The following EXT1 variants were observed in gnomAD, a reference collection of about 807,000 sequenced individuals.
The protein encoded by EXT1 is exostosin glycosyltransferase 1.
A neutral mutation model predicts 82.5 loss-of-function variants in EXT1; 20 were observed. The ratio of observed to expected loss-of-function variants is 0.24; its 90% CI spans 0.17 to 0.35. EXT1 has a LOEUF of 0.35. Ranked by LOEUF, EXT1 falls within the 10% of genes least tolerant of loss-of-function variation. The probability of loss-of-function intolerance (pLI) is 1.00; values close to 1 mark genes in which losing one functional copy is unlikely to be tolerated. For missense variants in EXT1, 757 were observed against 936.5 expected (o/e 0.81, Z 2.50); for synonymous variants, 348 against 350.8 (o/e 0.99, Z 0.09).
chr8:117,919,842 C>T (rs1170729264), intron 1 of EXT1, among the ~76,000 whole-genome samples: 1 of 152,038 alleles, frequency 6.6e-6, no homozygotes, highest in Admixed American at 6.5e-5. Flanking sequence ...GGTTTAAATT[C>T]CAAATTATAT....
intron 9 of EXT1, among the ~76,000 whole-genome samples, chr8:117,805,844 C>T (rs954015319): frequency 1.3e-5 from 2 of 152,198 alleles, no homozygotes; most frequent in Non-Finnish European, 2.9e-5. Context: ...AGTCCCCTGG[C>T]TTTAAAGACC....
At chr8:117,998,848 T>A (rs1033035225) in intron 1 of EXT1, among the ~76,000 whole-genome samples, 3 of 152,192 alleles carry the variant, frequency 2.0e-5, no homozygotes, top group African/African-American at 7.2e-5. Flanking sequence ...CATTCCTACT[T>A]CAGCTCAATT....
intron 1 of EXT1, among the ~76,000 whole-genome samples, chr8:118,081,308 T>C (rs1011852163): frequency 1.3e-5 from 2 of 152,230 alleles, no homozygotes; most frequent in Non-Finnish European, 2.9e-5. Flanking sequence ...TTTTGCAGTA[T>C]TTTTACATAA....
intron 1 of EXT1, among the ~76,000 whole-genome samples, chr8:117,893,687 G>C (rs1214689346): frequency 6.6e-6 from 1 of 152,166 alleles, no homozygotes; most frequent in African/African-American, 2.4e-5. Flanking sequence ...ACCACGCTTT[G>C]AGCAAGTGAA....
At chr8:117,857,481 T>C (rs17430385) in intron 1 of EXT1, among the ~76,000 whole-genome samples, 44,912 of 151,620 alleles carry the variant, frequency 0.3, 7,477 homozygotes, top group Middle Eastern at 0.41. Flanking sequence ...GGCAGGAGGA[T>C]TGCTTGAGCC....
rs984537496 is a variant in EXT1, at chr8:117,799,982, T to C, written c.2056-85A>G. The C allele has an allele frequency of 2.1e-6, 3 of 1,431,702 alleles. No individual in the cohort carries two copies. The African/African-American group carries it at 4.2e-5, about 20-fold the overall frequency. 88.7% of individuals were successfully genotyped at this position (1,431,702 alleles called of 1,614,324 possible). ...ATTGCAGAAAATGGAGTCAGGCAAA[T>C]GAGCAAGCAGCAAAGCTTGGGGTCT... On this transcript the variant is annotated intron_variant, in intron 10 of 10. Coordinates refer to ENST00000378204, the MANE Select transcript of EXT1 (RefSeq NM_000127.3).
intron 1 of EXT1, among the ~76,000 whole-genome samples, chr8:117,850,758 T>C: frequency 6.6e-6 from 1 of 152,182 alleles, no homozygotes; most frequent in East Asian, 1.9e-4. Context: ...AAAAGGATTT[T>C]TCTGCCAAGT....
At chr8:117,893,257 A>T (rs757438333) in intron 1 of EXT1, among the ~76,000 whole-genome samples, 4 of 152,220 alleles carry the variant, frequency 2.6e-5, no homozygotes, top group Non-Finnish European at 5.9e-5. Flanking sequence ...TCTGCTAAAT[A>T]AATAACGAAA....
chr8:117,905,854 T>C (rs79638761), intron 1 of EXT1, among the ~76,000 whole-genome samples: 7,659 of 152,150 alleles, frequency 0.05, 647 homozygotes, highest in African/African-American at 0.17. Flanking sequence ...AAAGACCAGA[T>C]TTTTACCTTC....
intron 1 of EXT1, among the ~76,000 whole-genome samples, chr8:117,844,137 C>CTATTATTATTATTAT (rs61042253): frequency 0.18 from 25,507 of 142,306 alleles, 2,599 homozygotes; most frequent in Middle Eastern, 0.27. Flanking sequence ...ATTTCAATTA[C>CTATTATTATTATTAT]TATTATTATT....
chr8:118,018,557 ACT>A (rs1816044838), intron 1 of EXT1, among the ~76,000 whole-genome samples: 1 of 152,200 alleles, frequency 6.6e-6, no homozygotes, highest in African/African-American at 2.4e-5. Context: ...AAGTTTATAG[ACT>A]TTGTTACAGC....
intron 10 of EXT1, among the ~76,000 whole-genome samples, chr8:117,803,723 A>G (rs764886997): frequency 3.9e-5 from 6 of 152,218 alleles, no homozygotes; most frequent in Non-Finnish European, 7.3e-5. Context: ...TTACTTATAA[A>G]AAGAAAATGT....
intron 8 of EXT1, among the ~76,000 whole-genome samples, chr8:117,808,665 G>A (rs1823271133): frequency 6.6e-6 from 1 of 152,180 alleles, no homozygotes; most frequent in African/African-American, 2.4e-5. Context: ...GGGGGACGGA[G>A]GGATGCTGCT....
chr8:117,873,716 A>G (rs184329029), intron 1 of EXT1, among the ~76,000 whole-genome samples: 181 of 152,256 alleles, frequency 1.2e-3, no homozygotes, highest in Admixed American at 0.01. Context: ...TTGGACTCCC[A>G]AAGTGCTGGG....
intron 1 of EXT1, among the ~76,000 whole-genome samples, chr8:118,034,758 AG>A (rs1816389171): frequency 6.6e-6 from 1 of 152,202 alleles, no homozygotes; most frequent in African/African-American, 2.4e-5. Context: ...GACGATGGCT[AG>A]GGACCACTCT....
chr8:118,072,283 A>G (rs909818094), intron 1 of EXT1, among the ~76,000 whole-genome samples: 3 of 152,232 alleles, frequency 2.0e-5, no homozygotes, highest in Non-Finnish European at 1.5e-5. Context: ...GGAAAGGACC[A>G]ATGATACTGA....
intron 1 of EXT1, among the ~76,000 whole-genome samples, chr8:117,840,202 C>T (rs1253257155): frequency 6.6e-6 from 1 of 152,162 alleles, no homozygotes; most frequent in African/African-American, 2.4e-5. Flanking sequence ...TGACCTGTTC[C>T]ATGACCAACC....
rs527947203 is a variant in EXT1 at position 118,041,952 on chromosome 8, A to T, written c.962+68133T>A. ...GACAGAGCGAGACTCTGCCTCAGAA[A>T]AAAAAAAAAAAAGAAAGAAAAGGAA... On this transcript the variant is annotated intron_variant, in intron 1 of 10. Transcript: ENST00000378204. Among the ~76,000 whole-genome samples the T allele has an allele frequency of 1.2e-4, 18 of 151,098 alleles. 1 individual carries two copies. In the South Asian group the frequency reaches 3.7e-3, roughly 31 times the overall value.
chr8:118,078,804 A>G (rs17506044), intron 1 of EXT1, among the ~76,000 whole-genome samples: 7,545 of 152,202 alleles, frequency 0.05, 623 homozygotes, highest in African/African-American at 0.17. Context: ...AGACGTGCAC[A>G]TATGCAAAGA....
Sources: allele counts gnomAD v4.1 joint callset (sites outside exome capture counted in the v4.1 genomes callset), GRCh38; gene constraint gnomAD v4.1.1; transcripts MANE v1.5; gene names NCBI Gene and HGNC (gene_info 2026-07-23, HGNC 2026-07-21).